Variants in FRMD5 observed in about 807,000 individuals in gnomAD.
The protein encoded by FRMD5 is FERM domain containing 5.
In FRMD5, 20 loss-of-function variants were observed where a neutral mutation model predicts 69.0. The ratio of observed to expected loss-of-function variants is 0.29; its 90% confidence interval spans 0.20 to 0.42. The LOEUF is 0.42. FRMD5 is among the 10% of genes least tolerant of loss of function. The pLI is 1.00. For missense variants in FRMD5, 595 were observed against 708.6 expected, an observed-to-expected ratio of 0.84 and a Z score of 1.82; for synonymous variants, 271 against 260.1, an observed-to-expected ratio of 1.04 and a Z score of -0.40.
chr15:44,051,631 T>C (rs1892670681), intron 1 of FRMD5, among the ~76,000 whole-genome samples: 1 of 152,110 alleles, frequency 6.6e-6, no homozygotes, highest in Non-Finnish European at 1.5e-5. Flanking sequence ...TATTCTAGGA[T>C]CTCACAATAT....
chr15:44,055,440 C>T (rs1376619659), intron 1 of FRMD5, among the ~76,000 whole-genome samples: 1 of 152,172 alleles, frequency 6.6e-6, no homozygotes, highest in African/African-American at 2.4e-5. Context: ...AAATGATTAG[C>T]ACTATCCTCA....
chr15:44,089,130 G>A (rs1488709321), intron 1 of FRMD5, among the ~76,000 whole-genome samples: 2 of 152,172 alleles, frequency 1.3e-5, no homozygotes, highest in Non-Finnish European at 2.9e-5. Flanking sequence ...TATCAGCACA[G>A]GAGGGGACAG....
chr15:43,960,282 C>G (rs2090177279), intron 1 of FRMD5, among the ~76,000 whole-genome samples: 1 of 151,838 alleles, frequency 6.6e-6, no homozygotes, highest in African/African-American at 2.4e-5. Context: ...TTAAGTCTCA[C>G]TCTGTCACCC....
chr15:43,979,315 A>T (rs945909354), intron 1 of FRMD5, among the ~76,000 whole-genome samples: 1 of 151,334 alleles, frequency 6.6e-6, no homozygotes, highest in Non-Finnish European at 1.5e-5. Flanking sequence ...AGCCTGGGCT[A>T]TAAGAGTGAA....
At chr15:43,884,601 C>T (rs748820745) in intron 12 of FRMD5, 126 bp downstream of exon 12, 97 of 704,748 alleles carry the variant, frequency 1.4e-4, no homozygotes, top group Non-Finnish European at 1.8e-4. Flanking sequence ...GTTTCTTCAG[C>T]CTTCTGCTCC....
chr15:44,173,525 A>AT (rs1480994348), intron 1 of FRMD5, among the ~76,000 whole-genome samples: 2 of 151,690 alleles, frequency 1.3e-5, no homozygotes, highest in Non-Finnish European at 2.9e-5. Context: ...AAATATACAT[A>AT]TTTTTTTCTT....
chr15:43,896,084 G>A (rs926199320), intron 7 of FRMD5, among the ~76,000 whole-genome samples: 1 of 152,168 alleles, frequency 6.6e-6, no homozygotes, highest in African/African-American at 2.4e-5. Flanking sequence ...TGAAATCAGT[G>A]CCCACAGGAC....
intron 1 of FRMD5, among the ~76,000 whole-genome samples, chr15:44,167,384 T>C (rs1197556626): frequency 2.7e-5 from 4 of 150,916 alleles, no homozygotes; most frequent in Non-Finnish European, 1.5e-5. Flanking sequence ...AAAAAAAAAG[T>C]GTTCAGCAGA....
At chr15:44,158,534 C>T (rs1033243692) in intron 1 of FRMD5, among the ~76,000 whole-genome samples, 1 of 152,118 alleles carries the variant, frequency 6.6e-6, no homozygotes, top group Non-Finnish European at 1.5e-5. Context: ...TTTTACTCTT[C>T]CTAATATTTG....
chr15:43,945,345 A>G (rs2089928809), intron 1 of FRMD5, among the ~76,000 whole-genome samples: 1 of 152,056 alleles, frequency 6.6e-6, no homozygotes, highest in South Asian at 2.1e-4. Context: ...TTCATTAAAA[A>G]TGTCATTTTT....
intron 7 of FRMD5, among the ~76,000 whole-genome samples, chr15:43,893,516 G>A (rs1021490302): frequency 7.9e-5 from 12 of 152,194 alleles, no homozygotes; most frequent in South Asian, 4.1e-4. Context: ...TGACAGGGGC[G>A]TCAGGTGAGA....
At chr15:43,875,895 T>C in intron 13 of FRMD5, 1 of 837,996 alleles carries the variant, frequency 1.2e-6, no homozygotes, top group South Asian at 1.3e-5. Flanking sequence ...AAATTTTGTC[T>C]TAACTGCTGG....
At chr15:44,023,599 T>C (rs972630240) in intron 1 of FRMD5, among the ~76,000 whole-genome samples, 9 of 152,150 alleles carry the variant, frequency 5.9e-5, no homozygotes, top group Non-Finnish European at 1.2e-4. Context: ...AACTGTAGAG[T>C]GTATTTTTAA....
intron 1 of FRMD5, among the ~76,000 whole-genome samples, chr15:43,924,811 C>G (rs1347268226): frequency 6.6e-6 from 1 of 152,154 alleles, no homozygotes; most frequent in Non-Finnish European, 1.5e-5. Flanking sequence ...TCAGTCCATT[C>G]TCCGCACAGC....
intron 1 of FRMD5, among the ~76,000 whole-genome samples, chr15:44,038,520 C>CCTTTTTTTTT (rs1892026079): frequency 1.6e-5 from 1 of 63,200 alleles, no homozygotes; most frequent in Non-Finnish European, 2.8e-5. Context: ...CTAGCCAGAG[C>CCTTTTTTTTT]TTTTTTTTTT....
chr15:44,192,383 C>T (rs917599780), intron 1 of FRMD5, among the ~76,000 whole-genome samples: 1 of 152,144 alleles, frequency 6.6e-6, no homozygotes, highest in Non-Finnish European at 1.5e-5. Context: ...GCAGTAAAAT[C>T]ATTCTAAAAT....
At chr15:44,033,770 C>G (rs988455607) in intron 1 of FRMD5, among the ~76,000 whole-genome samples, 3 of 152,124 alleles carry the variant, frequency 2.0e-5, no homozygotes, top group Non-Finnish European at 4.4e-5. Flanking sequence ...AACTTAGTAA[C>G]TGGGTGAGTT....
chr15:43,985,676 T>G (rs1204397321), intron 1 of FRMD5, among the ~76,000 whole-genome samples: 1 of 152,212 alleles, frequency 6.6e-6, no homozygotes, highest in Non-Finnish European at 1.5e-5. Context: ...GGAATTGACA[T>G]TCTGTGCGGA....
At chr15:43,982,425 G>C (rs1448189569) in intron 1 of FRMD5, among the ~76,000 whole-genome samples, 1 of 152,202 alleles carries the variant, frequency 6.6e-6, no homozygotes, top group Non-Finnish European at 1.5e-5. Context: ...CCAAAGCCTG[G>C]CAGCTGGTGT....
Sources: allele counts gnomAD v4.1 joint callset (sites outside exome capture counted in the v4.1 genomes callset), GRCh38; gene constraint gnomAD v4.1.1; transcripts MANE v1.5; gene names NCBI Gene and HGNC (gene_info 2026-07-23, HGNC 2026-07-21).